CABLES1: variants seen among roughly 807,000 people sequenced by gnomAD.
CABLES1 encodes the protein CDK5 and ABL1 enzyme substrate 1.
Under a neutral mutation model 57.8 loss-of-function variants are expected in CABLES1, and 36 were observed. That is an observed-to-expected ratio of 0.62 (90% CI 0.48 to 0.82). The LOEUF (loss-of-function observed/expected upper bound fraction) is 0.82. Ranked by LOEUF, CABLES1 falls within the 40% of genes least tolerant of loss-of-function variation. CABLES1 has a pLI of 0.00. For synonymous variants in CABLES1, 374 were observed against 363.0 expected (o/e 1.03, Z -0.35); for missense variants, 767 against 836.6 (o/e 0.92, Z 1.03).
chr18:23,150,941 C>T (rs368829935), intron 1 of CABLES1, among the ~76,000 whole-genome samples: 50 of 150,370 alleles, frequency 3.3e-4, no homozygotes, highest in African/African-American at 1.2e-3. Flanking sequence ...GAGAATCGGG[C>T]GGATGCCTCA....
chr18:23,208,449 C>T (rs527345585), intron 3 of CABLES1, among the ~76,000 whole-genome samples: 2 of 152,298 alleles, frequency 1.3e-5, no homozygotes, highest in Admixed American at 6.5e-5. Flanking sequence ...GGGTCAAGTC[C>T]CCTTCTTCCA....
chr18:23,136,188 G>C lies in CABLES1; in HGVS notation c.426G>C (p.Gln142His). 8.0e-7 allele frequency: 1 copy of C among 1,242,844 alleles called. No homozygotes were observed. The highest frequency in any genetic ancestry group is 1.0e-6 in the Non-Finnish European group (1 of 995,938). 77.0% of individuals were successfully genotyped at this position (1,242,844 alleles called of 1,614,324 possible). Residue 142 changes from glutamine (Q) to histidine (H), a missense_variant, in exon 1 of 10, where the codon CAG (glutamine) becomes CAC (histidine). Gln to His is a conservative substitution (Grantham distance 24). This residue lies in a region of CABLES1 where 529 missense variants were observed against 622.8 expected (regional missense o/e 0.85). Coordinates refer to ENST00000256925, the MANE Select transcript of CABLES1 (RefSeq NM_001100619.3). ...CTGGGTCCGGCCCCTGCCTCCCACAGCCCTCGTCGCTGCCGCCCTTGATTC... is the reference window on the plus strand; with the variant it reads ...CTGGGTCCGGCCCCTGCCTCCCACACCCCTCGTCGCTGCCGCCCTTGATTC... The part of the protein sequence containing the change: ...LAAGSGPCLP[Q>H]PSSLPPLIPG...
intron 3 of CABLES1, 40 bp from the exon 4 acceptor site, chr18:23,213,937 T>G: frequency 3.0e-6 from 4 of 1,348,916 alleles, no homozygotes; most frequent in Non-Finnish European, 4.2e-6. Context: ...ATTCTTTGCA[T>G]TTAGTGTGTT....
intron 7 of CABLES1, among the ~76,000 whole-genome samples, chr18:23,247,663 T>C (rs1407822467): frequency 2.0e-5 from 3 of 152,196 alleles, no homozygotes; most frequent in African/African-American, 7.2e-5. Flanking sequence ...CCGGGCACCA[T>C]GTGTCAGAGC....
At chr18:23,253,118 A>C (rs1236334065) in intron 8 of CABLES1, 52 bp downstream of exon 8, 1 of 986,196 alleles carries the variant, frequency 1.0e-6, no homozygotes, top group East Asian at 2.4e-5. Flanking sequence ...CCCTCTTTCC[A>C]CACACCGTAA....
At chr18:23,143,717 G>C (rs1466969969) in intron 1 of CABLES1, among the ~76,000 whole-genome samples, 3 of 152,108 alleles carry the variant, frequency 2.0e-5, no homozygotes, top group African/African-American at 7.2e-5. Flanking sequence ...GAAGTGTGCA[G>C]GTCCCCTTGG....
chr18:23,219,350 G>A, intron 4 of CABLES1: 2 of 454,034 alleles, frequency 4.4e-6, no homozygotes. Context: ...AGCAGAGGAA[G>A]GAGTTGGGTG....
chr18:23,180,620 G>A (rs943233981), intron 1 of CABLES1, among the ~76,000 whole-genome samples: 1 of 151,980 alleles, frequency 6.6e-6, no homozygotes, highest in African/African-American at 2.4e-5. Context: ...GTGTTCAAGC[G>A]TGCCTCAGCC....
chr18:23,222,740 A>G (rs1346744766), intron 4 of CABLES1, among the ~76,000 whole-genome samples: 1 of 151,828 alleles, frequency 6.6e-6, no homozygotes, highest in Non-Finnish European at 1.5e-5. Context: ...GCACCTCCAT[A>G]AAAGGATGGA....
At chr18:23,187,960 A>G (rs1298425180) in intron 1 of CABLES1, among the ~76,000 whole-genome samples, 1 of 152,260 alleles carries the variant, frequency 6.6e-6, no homozygotes, top group East Asian at 1.9e-4. Flanking sequence ...GTTTTGCCAA[A>G]TGTAGTAAAA....
chr18:23,136,122 C>T lies in CABLES1; in HGVS notation c.360C>T (p.Ile120=). 1 of 1,193,926 alleles carries T rather than the reference C, an allele frequency of 8.4e-7. No homozygotes were observed. The highest frequency in any genetic ancestry group is 1.0e-6 in the Non-Finnish European group (1 of 963,942). The allele number at this position is 1,193,926 out of a possible 1,614,324, so 74.0% of individuals were successfully genotyped here. Residue 120 remains isoleucine (I), a synonymous_variant, in exon 1 of 10, where the codon ATC becomes ATT. Coordinates refer to ENST00000256925, the MANE Select transcript of CABLES1 (RefSeq NM_001100619.3). ...CCGCTGCCGAGCGGGGCGGCTGCAT[C>T]GCGCTCGCCGCGCCGGGCACGCCGG... ...LLAAAERGGC[I]ALAAPGTPAA... is the part of the protein sequence containing the mutation.
rs1179665643 is a variant in CABLES1 at position 23,158,134 on chromosome 18, AAAAAC to A, written c.845+21531_845+21535del. ...CCATCTCTATTAAAAAAAAAAAAAA[AAAAAC>A]AAACCCACAAAATTTAGCTGGGTGT... On this transcript the variant is annotated intron_variant, in intron 1 of 9. Coordinates refer to ENST00000256925, the MANE Select transcript of CABLES1 (RefSeq NM_001100619.3). 5.5e-4 allele frequency among the ~76,000 whole-genome samples: 83 copies of A among 151,576 alleles called. 1 individual carries two copies. The highest frequency in any genetic ancestry group is 1.8e-3 in the African/African-American group (76 of 41,296).
chr18:23,190,602 G>T (rs576414036), intron 2 of CABLES1: 1 of 152,214 alleles, frequency 6.6e-6, no homozygotes, highest in East Asian at 1.9e-4. Context: ...CCTCAGCCTT[G>T]TGGTAGCACA....
intron 3 of CABLES1, among the ~76,000 whole-genome samples, chr18:23,203,158 C>T (rs138434457): frequency 6.6e-6 from 1 of 152,232 alleles, no homozygotes; most frequent in African/African-American, 2.4e-5. Flanking sequence ...GGTGTCTCCT[C>T]CCTCTGTCAC....
intron 3 of CABLES1, among the ~76,000 whole-genome samples, chr18:23,200,480 T>C (rs191117043): frequency 1.3e-5 from 2 of 152,212 alleles, no homozygotes; most frequent in African/African-American, 4.8e-5. Context: ...GCCAGGAAGG[T>C]CTCGATCTCC....
intron 1 of CABLES1, among the ~76,000 whole-genome samples, chr18:23,170,085 A>AG (rs1186907594): frequency 4.6e-5 from 7 of 152,074 alleles, no homozygotes; most frequent in African/African-American, 1.7e-4. Context: ...GGGACCTCAG[A>AG]ATGTCTAGCA....
chr18:23,235,498 T>C (rs547414872), intron 5 of CABLES1, among the ~76,000 whole-genome samples: 2 of 152,336 alleles, frequency 1.3e-5, no homozygotes, highest in East Asian at 3.9e-4. Flanking sequence ...TAGGAGGCCA[T>C]GGCCCTCACC....
chr18:23,246,532 C>T (rs1598869072), intron 7 of CABLES1, among the ~76,000 whole-genome samples: 1 of 151,816 alleles, frequency 6.6e-6, no homozygotes, highest in South Asian at 2.1e-4. Flanking sequence ...GCTGGGACTA[C>T]AGGCACCCGC....
chr18:23,190,028 C>T (rs2047230302), intron 2 of CABLES1, among the ~76,000 whole-genome samples: 1 of 152,188 alleles, frequency 6.6e-6, no homozygotes. Flanking sequence ...TGGGTAACCT[C>T]CAGGTGCCTC....
Sources: gnomAD v4.1 joint callset for allele counts (sites outside exome capture counted in the v4.1 genomes callset) on GRCh38, gnomAD v4.1.1 for gene constraint, gnomAD v4.1.1 regional missense constraint, MANE v1.5 for transcripts, NCBI Gene and HGNC (gene_info 2026-07-23, HGNC 2026-07-21) for gene names.